The following ERBB4 variants were observed in gnomAD, a reference collection of about 807,000 sequenced individuals.
ERBB4 encodes the protein receptor tyrosine-protein kinase erbB-4.
A neutral mutation model predicts 158.0 loss-of-function variants in ERBB4; 42 were observed. The observed-to-expected ratio is 0.27, with a 90% confidence interval of 0.21 to 0.34. The LOEUF (loss-of-function observed/expected upper bound fraction) is 0.34. Among genes scored for constraint, ERBB4 ranks in the 10% least tolerant of loss-of-function variants. The probability of loss-of-function intolerance (pLI) is 1.00; values close to 1 mark genes in which losing one functional copy is unlikely to be tolerated. For missense variants in ERBB4, 1,333 were observed against 1,624.1 expected (o/e 0.82, Z 3.08); for synonymous variants, 583 against 558.7 (o/e 1.04, Z -0.61).
intron 1 of ERBB4, among the ~76,000 whole-genome samples, chr2:212,351,782 T>C (rs1023690493): frequency 6.6e-6 from 1 of 152,210 alleles, no homozygotes; most frequent in Admixed American, 6.5e-5. Context: ...AACATCTTCG[T>C]TGCTATGTAT....
chr2:211,484,597 T>C (rs922656519), intron 20 of ERBB4, among the ~76,000 whole-genome samples: 1 of 152,076 alleles, frequency 6.6e-6, no homozygotes, highest in Non-Finnish European at 1.5e-5. Context: ...GAGCAAAAAA[T>C]ATTACCATGA....
intron 3 of ERBB4, among the ~76,000 whole-genome samples, chr2:211,867,329 A>G (rs2078235502): frequency 6.6e-6 from 1 of 152,224 alleles, no homozygotes; most frequent in South Asian, 2.1e-4. Flanking sequence ...CGGTGAAATC[A>G]TCTTATAATC....
At chr2:211,864,380 G>A (rs1280160355) in intron 3 of ERBB4, among the ~76,000 whole-genome samples, 1 of 151,930 alleles carries the variant, frequency 6.6e-6, no homozygotes, top group Non-Finnish European at 1.5e-5. Flanking sequence ...GATCTCTTTG[G>A]CACTTCCCAG....
At chr2:211,922,993 T>C (rs571037995) in intron 3 of ERBB4, among the ~76,000 whole-genome samples, 28 of 152,210 alleles carry the variant, frequency 1.8e-4, no homozygotes, top group African/African-American at 6.0e-4. Flanking sequence ...AGGTGAGAAA[T>C]GAGGTTCAGG....
intron 1 of ERBB4, among the ~76,000 whole-genome samples, chr2:212,267,280 C>T (rs986573796): frequency 6.6e-6 from 1 of 151,746 alleles, no homozygotes; most frequent in Non-Finnish European, 1.5e-5. Flanking sequence ...GAAAATAATT[C>T]CCCATGAAAA....
intron 2 of ERBB4, among the ~76,000 whole-genome samples, chr2:211,993,045 C>T (rs1328590384): frequency 2.0e-5 from 3 of 152,128 alleles, no homozygotes; most frequent in East Asian, 3.9e-4. Flanking sequence ...TGCATGCTGG[C>T]GAGCCAGCAG....
chr2:211,707,566 T>G (rs187019912), intron 9 of ERBB4, among the ~76,000 whole-genome samples: 90 of 152,314 alleles, frequency 5.9e-4, no homozygotes, highest in Non-Finnish European at 5.9e-5. Context: ...AACCCTTTCT[T>G]GCCAGTGTCT....
chr2:211,799,099 T>C (rs2076444071), intron 3 of ERBB4, among the ~76,000 whole-genome samples: 1 of 152,122 alleles, frequency 6.6e-6, no homozygotes, highest in Admixed American at 6.5e-5. Context: ...GTGCTTCAAA[T>C]AAATTAGCAT....
At chr2:212,156,631 G>T (rs2125638836) in intron 1 of ERBB4, among the ~76,000 whole-genome samples, 1 of 152,210 alleles carries the variant, frequency 6.6e-6, no homozygotes, top group South Asian at 2.1e-4. Context: ...CAGCATTTCT[G>T]TATTTTTCAT....
At chr2:212,295,560 A>G (rs904312950) in intron 1 of ERBB4, among the ~76,000 whole-genome samples, 1 of 152,092 alleles carries the variant, frequency 6.6e-6, no homozygotes, top group Non-Finnish European at 1.5e-5. Context: ...CAAATTACTG[A>G]CATCACGACA....
chr2:211,666,764 G>A (rs891915660), intron 14 of ERBB4, among the ~76,000 whole-genome samples: 17 of 152,016 alleles, frequency 1.1e-4, no homozygotes, highest in Non-Finnish European at 1.9e-4. Context: ...TTCTTCCCCT[G>A]ACCCATTTCT....
intron 1 of ERBB4, among the ~76,000 whole-genome samples, chr2:212,292,668 G>A (rs1462940739): frequency 6.6e-6 from 1 of 152,014 alleles, no homozygotes; most frequent in Non-Finnish European, 1.5e-5. Flanking sequence ...TCAGATTGTT[G>A]ATGCTTTTGA....
At chr2:211,681,838 T>A (rs571328889) in intron 12 of ERBB4, among the ~76,000 whole-genome samples, 15 of 152,250 alleles carry the variant, frequency 9.9e-5, no homozygotes, top group African/African-American at 2.9e-4. Context: ...TGATAACTTA[T>A]CAACCTTTTT....
chr2:212,054,814 T>C (rs1476821033), intron 2 of ERBB4, among the ~76,000 whole-genome samples: 1 of 152,156 alleles, frequency 6.6e-6, no homozygotes, highest in African/African-American at 2.4e-5. Context: ...TATTGATTAA[T>C]ATTTTGGAGT....
At chr2:212,504,308 T>C (rs963276548) in intron 1 of ERBB4, among the ~76,000 whole-genome samples, 4 of 152,166 alleles carry the variant, frequency 2.6e-5, no homozygotes, top group Non-Finnish European at 5.9e-5. Flanking sequence ...TGTATTTATT[T>C]TCTTCTACAT....
chr2:212,079,080 T>C (rs2078357512), intron 2 of ERBB4, among the ~76,000 whole-genome samples: 2 of 151,122 alleles, frequency 1.3e-5, no homozygotes, highest in Non-Finnish European at 1.5e-5. Context: ...TGATAATCCA[T>C]TGTATTCTCT....
intron 20 of ERBB4, among the ~76,000 whole-genome samples, chr2:211,442,820 G>A (rs1406922684): frequency 6.6e-6 from 1 of 151,986 alleles, no homozygotes; most frequent in Admixed American, 6.6e-5. Flanking sequence ...ACACTAAAAT[G>A]AGTAATGGAA....
chr2:212,270,054 T>C (rs1301532090), intron 1 of ERBB4, among the ~76,000 whole-genome samples: 1 of 151,852 alleles, frequency 6.6e-6, no homozygotes, highest in Non-Finnish European at 1.5e-5. Flanking sequence ...TTTTGTCATT[T>C]GCTCCTCTGA....
intron 20 of ERBB4, among the ~76,000 whole-genome samples, chr2:211,558,390 C>T (rs775777853): frequency 2.3e-4 from 35 of 152,122 alleles, no homozygotes; most frequent in Non-Finnish European, 4.1e-4. Flanking sequence ...CTCCCACTTA[C>T]AAAGACCCCT....
Sources: gnomAD v4.1 joint callset for allele counts (sites outside exome capture counted in the v4.1 genomes callset) on GRCh38, gnomAD v4.1.1 for gene constraint, MANE v1.5 for transcripts, NCBI Gene and HGNC (gene_info 2026-07-23, HGNC 2026-07-21) for gene names.